Variants in CAP2 observed in about 807,000 individuals in gnomAD.
CAP2 encodes the protein adenylyl cyclase-associated protein 2.
CAP2 carries 24 observed loss-of-function variants against 57.7 expected under a neutral mutation model. The ratio of observed to expected loss-of-function variants is 0.42; its 90% CI spans 0.30 to 0.58. CAP2 has a LOEUF of 0.58. Ranked by LOEUF, CAP2 falls within the 20% of genes least tolerant of loss-of-function variation. The probability of loss-of-function intolerance (pLI) is 0.22; values close to 1 mark genes in which losing one functional copy is unlikely to be tolerated. For synonymous variants in CAP2, 194 were observed against 207.2 expected (o/e 0.94, Z 0.55); for missense variants, 501 against 590.3 (o/e 0.85, Z 1.57).
rs1474123706 is a variant in CAP2, at chr6:17,457,942, C to T, written c.223-5054C>T. Among the ~76,000 whole-genome samples the T allele has an allele frequency of 2.0e-5, 3 of 152,350 alleles. No homozygotes were observed. In the East Asian group the frequency reaches 5.8e-4, roughly 29 times the overall value. Reference sequence around the variant, plus strand: ...TACTGTTTCCACAGCAACTACAATTCAGTCGGCTCTGCAAGGCTTGTCATA... The same window carrying T: ...TACTGTTTCCACAGCAACTACAATTTAGTCGGCTCTGCAAGGCTTGTCATA... On this transcript the variant is annotated intron_variant, in intron 3 of 12. Transcript: ENST00000229922.
At chr6:17,531,361 G>C in intron 7 of CAP2, 1 of 1,568,384 alleles carries the variant, frequency 6.4e-7, no homozygotes. Context: ...CTCTGATCCT[G>C]ATGACAAACG....
intron 11 of CAP2, among the ~76,000 whole-genome samples, chr6:17,549,093 T>C (rs1192441635): frequency 6.6e-6 from 1 of 152,144 alleles, no homozygotes; most frequent in Admixed American, 6.6e-5. Flanking sequence ...AGACAAGCCA[T>C]GGACTGAAGA....
intron 7 of CAP2, among the ~76,000 whole-genome samples, chr6:17,529,815 A>C (rs533532662): frequency 6.6e-6 from 1 of 151,692 alleles, no homozygotes; most frequent in Non-Finnish European, 1.5e-5. Flanking sequence ...TATCATGTTC[A>C]TGTTTTATGT....
chr6:17,434,626 T>C (rs1186883763), intron 3 of CAP2, among the ~76,000 whole-genome samples: 2 of 152,234 alleles, frequency 1.3e-5, no homozygotes, highest in African/African-American at 4.8e-5. Flanking sequence ...CTAATGTACG[T>C]GTTCATCCCA....
chr6:17,437,530 G>A (rs535268945), intron 3 of CAP2, among the ~76,000 whole-genome samples: 5 of 152,270 alleles, frequency 3.3e-5, no homozygotes, highest in South Asian at 2.1e-4. Context: ...TTTCTGTGTC[G>A]TTTTCAATTT....
intron 4 of CAP2, among the ~76,000 whole-genome samples, chr6:17,471,133 T>C (rs1458489193): frequency 2.6e-5 from 4 of 152,218 alleles, no homozygotes; most frequent in Non-Finnish European, 5.9e-5. Context: ...TTGGTGCTAG[T>C]GGCAGGTCTA....
intron 7 of CAP2, among the ~76,000 whole-genome samples, chr6:17,520,911 C>A (rs943637714): frequency 6.6e-6 from 1 of 152,204 alleles, no homozygotes; most frequent in South Asian, 2.1e-4. Flanking sequence ...GAATGGGCAG[C>A]GCCTCAGATG....
intron 4 of CAP2, among the ~76,000 whole-genome samples, chr6:17,472,107 G>T: frequency 4.0e-5 from 1 of 24,726 alleles, no homozygotes. Context: ...GGCCGAGGCG[G>T]GCGGATCACG....
chr6:17,463,197 T>A lies in CAP2; in HGVS notation c.300+124T>A, dbSNP rs374033818. On this transcript the variant is annotated intron_variant, in intron 4 of 12. Coordinates refer to ENST00000229922, the MANE Select transcript of CAP2 (RefSeq NM_006366.3). Reference sequence around the variant, plus strand: ...AAAAATGAGACTTACAGCACGTGTATGTTCTGTCTCTAATCTGGATCATGG... The same window carrying A: ...AAAAATGAGACTTACAGCACGTGTAAGTTCTGTCTCTAATCTGGATCATGG... 4.5e-6 allele frequency: 3 copies of A among 670,002 alleles called. No individual in the cohort carries two copies. In the African/African-American group the frequency reaches 5.4e-5, roughly 12 times the overall value. 41.5% of individuals were successfully genotyped at this position (670,002 alleles called of 1,614,324 possible). A position where few individuals can be genotyped will look rare whatever the true frequency, so the allele number is the denominator to read the frequency against.
intron 2 of CAP2, among the ~76,000 whole-genome samples, chr6:17,424,945 G>C (rs968937898): frequency 6.6e-6 from 1 of 152,186 alleles, no homozygotes; most frequent in Non-Finnish European, 1.5e-5. Context: ...TCCATAAGGA[G>C]CCTTTGGGCT....
At position 17,426,786 on chromosome 6, in the gene CAP2, A is replaced by G. The variant is rs2113539494; in HGVS notation, c.222+96A>G. ...AGCCTGAGGAGATCTTTATTTATTT[A>G]TTTAGTTTTTACTCTGGCTAGGCAG... On this transcript the variant is annotated intron_variant, in intron 3 of 12. Transcript: ENST00000229922. 3 of 824,090 alleles carry G rather than the reference A, an allele frequency of 3.6e-6. No homozygotes were observed. In the East Asian group the frequency reaches 7.7e-5, roughly 21 times the overall value. The allele number at this position is 824,090 out of a possible 1,614,324, so 51.0% of individuals were successfully genotyped here.
intron 7 of CAP2, among the ~76,000 whole-genome samples, chr6:17,537,553 T>C (rs897191110): frequency 1.1e-4 from 17 of 152,192 alleles, no homozygotes; most frequent in African/African-American, 3.9e-4. Context: ...TAAGAATCGC[T>C]GATTTTGATA....
chr6:17,457,994 G>A (rs750524819), intron 3 of CAP2, among the ~76,000 whole-genome samples: 1 of 152,142 alleles, frequency 6.6e-6, no homozygotes, highest in Non-Finnish European at 1.5e-5. Context: ...CTATATTATC[G>A]TTGCTGGGGA....
At chr6:17,498,608 C>T (rs1761725245) in intron 4 of CAP2, among the ~76,000 whole-genome samples, 1 of 152,048 alleles carries the variant, frequency 6.6e-6, no homozygotes, top group African/African-American at 2.4e-5. Flanking sequence ...AAAGGGGCAT[C>T]GTAATGATGA....
At chr6:17,397,987 A>T (rs1758714542) in intron 1 of CAP2, among the ~76,000 whole-genome samples, 1 of 152,032 alleles carries the variant, frequency 6.6e-6, no homozygotes, top group South Asian at 2.1e-4. Flanking sequence ...GTAACCACTT[A>T]CTCATTTCCC....
At chr6:17,498,105 C>T (rs1462755380) in intron 4 of CAP2, among the ~76,000 whole-genome samples, 1 of 152,224 alleles carries the variant, frequency 6.6e-6, no homozygotes, top group Non-Finnish European at 1.5e-5. Context: ...GTCAACAGAA[C>T]TGTGTTCTTG....
intron 3 of CAP2, among the ~76,000 whole-genome samples, chr6:17,433,040 T>C (rs997356424): frequency 7.9e-5 from 11 of 139,184 alleles, no homozygotes; most frequent in Non-Finnish European, 1.5e-4. Context: ...AAACTGCAAA[T>C]TAGAGAGGCT....
intron 3 of CAP2, among the ~76,000 whole-genome samples, chr6:17,460,747 C>T (rs995393041): frequency 3.3e-5 from 5 of 152,134 alleles, no homozygotes; most frequent in African/African-American, 1.2e-4. Context: ...ACGATTCAAT[C>T]ATAACTAAAA....
At chr6:17,491,297 G>C (rs571821844) in intron 4 of CAP2, among the ~76,000 whole-genome samples, 1 of 152,186 alleles carries the variant, frequency 6.6e-6, no homozygotes, top group East Asian at 1.9e-4. Context: ...CCATTCTAAA[G>C]GGCCTGCATT....
Sources: gnomAD v4.1 joint callset for allele counts (sites outside exome capture counted in the v4.1 genomes callset) on GRCh38, gnomAD v4.1.1 for gene constraint, MANE v1.5 for transcripts, NCBI Gene and HGNC (gene_info 2026-07-23, HGNC 2026-07-21) for gene names.